Variants in NEGR1 observed in about 807,000 individuals in gnomAD.
NEGR1 encodes the protein IgLON family member 4.
A neutral mutation model predicts 40.9 loss-of-function variants in NEGR1; 10 were observed. The ratio of observed to expected loss-of-function variants is 0.24; its 90% CI spans 0.15 to 0.42. The LOEUF is 0.42. NEGR1 is among the 10% of genes least tolerant of loss of function. The pLI, the probability that NEGR1 is intolerant of heterozygous loss-of-function variation, is 1.00. For missense variants in NEGR1, 352 were observed against 438.9 expected, an observed-to-expected ratio of 0.80 and a Z score of 1.77; for synonymous variants, 185 against 166.8, an observed-to-expected ratio of 1.11 and a Z score of -0.84.
chr1:72,082,809 A>G (rs1648060157), intron 1 of NEGR1, among the ~76,000 whole-genome samples: 1 of 152,074 alleles, frequency 6.6e-6, no homozygotes, highest in African/African-American at 2.4e-5. Context: ...ACTTAATTAA[A>G]TGTTTTCTTA....
At chr1:71,751,767 T>C (rs1187790869) in intron 3 of NEGR1, among the ~76,000 whole-genome samples, 2 of 152,028 alleles carry the variant, frequency 1.3e-5, no homozygotes, top group Non-Finnish European at 2.9e-5. Context: ...AGAGCAGCAT[T>C]TTTCCTGAAG....
intron 1 of NEGR1, among the ~76,000 whole-genome samples, chr1:72,133,774 ATAAT>A (rs964157242): frequency 3.3e-5 from 5 of 151,634 alleles, no homozygotes; most frequent in South Asian, 4.2e-4. Context: ...TATAGAAAAA[ATAAT>A]TAATTATATA....
chr1:71,772,956 C>T (rs1656379212), intron 3 of NEGR1, among the ~76,000 whole-genome samples: 1 of 151,872 alleles, frequency 6.6e-6, no homozygotes, highest in African/African-American at 2.4e-5. Context: ...ATGGAAAAAA[C>T]AGAAAAAAGA....
At chr1:71,754,262 A>G (rs1655660697) in intron 3 of NEGR1, among the ~76,000 whole-genome samples, 1 of 152,070 alleles carries the variant, frequency 6.6e-6, no homozygotes, top group African/African-American at 2.4e-5. Flanking sequence ...CTCACTGAAG[A>G]CCTCTACATC....
chr1:72,257,238 C>T (rs969151930), intron 1 of NEGR1, among the ~76,000 whole-genome samples: 34 of 143,486 alleles, frequency 2.4e-4, no homozygotes, highest in Non-Finnish European at 3.6e-4. Flanking sequence ...AGGAGAATGG[C>T]GTGAACCCGG....
chr1:72,066,675 T>C (rs1464714647), intron 1 of NEGR1, among the ~76,000 whole-genome samples: 1 of 152,090 alleles, frequency 6.6e-6, no homozygotes, highest in East Asian at 1.9e-4. Flanking sequence ...GAGGACATAA[T>C]GGGAATACAG....
At chr1:71,553,336 G>C (rs1430077937) in intron 6 of NEGR1, among the ~76,000 whole-genome samples, 1 of 151,432 alleles carries the variant, frequency 6.6e-6, no homozygotes, top group African/African-American at 2.4e-5. Flanking sequence ...AATCTCTCTG[G>C]TATCAAAGTA....
intron 1 of NEGR1, among the ~76,000 whole-genome samples, chr1:72,058,761 ATATAAT>A (rs1365821847): frequency 1.3e-5 from 2 of 151,674 alleles, no homozygotes; most frequent in Non-Finnish European, 3.0e-5. Flanking sequence ...TAAATTACAC[ATATAAT>A]TGTTTTGTGT....
At chr1:71,451,420 G>T (rs1437802534) in intron 6 of NEGR1, among the ~76,000 whole-genome samples, 1 of 147,534 alleles carries the variant, frequency 6.8e-6, no homozygotes, top group African/African-American at 2.5e-5. Context: ...TGCAACCTCC[G>T]CCTCCTGGGT....
In NEGR1 at chr1:71,836,506, G is replaced by A. The variant is rs1414267246; in HGVS notation, c.410-60209C>T. Among the ~76,000 whole-genome samples, 11 of 144,568 alleles carry A rather than the reference G, an allele frequency of 7.6e-5. No homozygotes were observed. The East Asian group carries it at 8.1e-4, about 11-fold the overall frequency. 94.8% of individuals were successfully genotyped at this position (144,568 alleles called of 152,430 possible). ...TATATATATATATATATATGAAGTC[G>A]GTACTCTTACTCTTAGCACAGGTAC... On this transcript the variant is annotated intron_variant, in intron 2 of 6. Coordinates refer to ENST00000357731, the MANE Select transcript of NEGR1 (RefSeq NM_173808.3).
At chr1:72,220,626 T>A (rs944885626) in intron 1 of NEGR1, among the ~76,000 whole-genome samples, 1 of 151,358 alleles carries the variant, frequency 6.6e-6, no homozygotes, top group Non-Finnish European at 1.5e-5. Flanking sequence ...ACTAACTGAA[T>A]TTCTATATAA....
At chr1:71,580,883 T>C (rs1649114372) in intron 6 of NEGR1, among the ~76,000 whole-genome samples, 1 of 152,146 alleles carries the variant, frequency 6.6e-6, no homozygotes, top group African/African-American at 2.4e-5. Flanking sequence ...GCCATTCAAG[T>C]AGATAGTGGC....
chr1:71,400,108 T>C lies in NEGR1; in HGVS notation c.*7338A>G, dbSNP rs1167036805. On this transcript the variant is annotated 3_prime_UTR_variant, in exon 7 of 7. Coordinates refer to ENST00000357731, the MANE Select transcript of NEGR1 (RefSeq NM_173808.3). ...CAAAATTGATGAAGAAACTGGCAAA[T>C]TCAAATTTCCACCAAGGAATAGCCC... is the stretch of plus-strand genomic sequence containing the variant. 2.0e-5 allele frequency: 3 copies of C among 152,144 alleles called. No homozygotes were observed. The highest frequency in any genetic ancestry group is 4.4e-5 in the Non-Finnish European group (3 of 68,028). 9.4% of individuals were successfully genotyped at this position (152,144 alleles called of 1,614,324 possible).
intron 1 of NEGR1, among the ~76,000 whole-genome samples, chr1:72,184,616 G>T (rs77595057): frequency 1.3e-5 from 2 of 151,992 alleles, no homozygotes; most frequent in Admixed American, 1.3e-4. Flanking sequence ...AAACATGTTA[G>T]TTGTGTACAA....
At chr1:71,506,806 CA>C (rs1467219273) in intron 6 of NEGR1, among the ~76,000 whole-genome samples, 1 of 151,788 alleles carries the variant, frequency 6.6e-6, no homozygotes, top group Non-Finnish European at 1.5e-5. Flanking sequence ...AAAACAAAAA[CA>C]AAAACAAAAA....
chr1:71,719,567 T>C (rs1371204433), intron 3 of NEGR1, among the ~76,000 whole-genome samples: 1 of 152,008 alleles, frequency 6.6e-6, no homozygotes, highest in African/African-American at 2.4e-5. Context: ...CCTTCCATGG[T>C]CACTGAGTTT....
intron 2 of NEGR1, among the ~76,000 whole-genome samples, chr1:71,915,503 AAT>A (rs1661550568): frequency 6.6e-6 from 1 of 152,140 alleles, no homozygotes; most frequent in Non-Finnish European, 1.5e-5. Context: ...ATATAATAAT[AAT>A]AGTGTCATTC....
At chr1:71,879,974 A>C (rs1660537039) in intron 2 of NEGR1, among the ~76,000 whole-genome samples, 1 of 152,124 alleles carries the variant, frequency 6.6e-6, no homozygotes, top group Non-Finnish European at 1.5e-5. Flanking sequence ...CTATAGTAAG[A>C]CATATCTTTT....
chr1:71,400,176 C>A lies in NEGR1; in HGVS notation c.*7270G>T, dbSNP rs1646237911. ...ATTTGAAATGAAGGAGGGAAACCAC[C>A]CTCTTTAACATTTTAAAGTTTTGAA... is the stretch of plus-strand genomic sequence containing the variant. On this transcript the variant is annotated 3_prime_UTR_variant, in exon 7 of 7. Coordinates refer to ENST00000357731, the MANE Select transcript of NEGR1 (RefSeq NM_173808.3). 4 of 152,250 alleles carry A rather than the reference C, an allele frequency of 2.6e-5. No individual in the cohort carries two copies. The South Asian group carries it at 8.3e-4, about 32-fold the overall frequency. The allele number at this position is 152,250 out of a possible 1,614,324, so 9.4% of individuals were successfully genotyped here. A position where few individuals can be genotyped will look rare whatever the true frequency, so the allele number is the denominator to read the frequency against.
Sources: allele counts gnomAD v4.1 joint callset (sites outside exome capture counted in the v4.1 genomes callset), GRCh38; gene constraint gnomAD v4.1.1; transcripts MANE v1.5; gene names NCBI Gene and HGNC (gene_info 2026-07-23, HGNC 2026-07-21).